Variants in WLS observed in about 807,000 individuals in gnomAD.
The protein encoded by WLS is Wnt ligand secretion mediator, also known as protein wntless homolog.
WLS carries 23 observed loss-of-function variants against 62.8 expected under a neutral mutation model. The ratio of observed to expected loss-of-function variants is 0.37; its 90% CI spans 0.26 to 0.52. WLS has a LOEUF of 0.52. WLS is among the 20% of genes least tolerant of loss of function. The pLI is 0.92. For synonymous variants in WLS, 246 were observed against 244.1 expected (o/e 1.01, Z -0.07); for missense variants, 615 against 697.3 (o/e 0.88, Z 1.33).
intron 2 of WLS, among the ~76,000 whole-genome samples, chr1:68,180,419 A>G (rs2100565288): frequency 6.6e-6 from 1 of 152,264 alleles, no homozygotes; most frequent in South Asian, 2.1e-4. Context: ...ATGTTGAGGA[A>G]AAGCTGAGTG....
At chr1:68,127,499 G>T (rs1316224702) in intron 11 of WLS, among the ~76,000 whole-genome samples, 1 of 152,138 alleles carries the variant, frequency 6.6e-6, no homozygotes, top group Non-Finnish European at 1.5e-5. Context: ...CGAAAACTCT[G>T]CTACCTGCCA....
chr1:68,216,929 G>A (rs1259203028), intron 1 of WLS, among the ~76,000 whole-genome samples: 1 of 152,134 alleles, frequency 6.6e-6, no homozygotes, highest in Non-Finnish European at 1.5e-5. Flanking sequence ...AAAGTTCTTT[G>A]TTGGTAGGGC....
chr1:68,170,655 G>A (rs2100539317), intron 2 of WLS, among the ~76,000 whole-genome samples: 1 of 151,996 alleles, frequency 6.6e-6, no homozygotes, highest in African/African-American at 2.4e-5. Flanking sequence ...TCATCTTCTG[G>A]AATTCCCCCC....
At chr1:68,167,476 T>TC (rs1049171226) in intron 2 of WLS, among the ~76,000 whole-genome samples, 5 of 152,144 alleles carry the variant, frequency 3.3e-5, no homozygotes, top group Non-Finnish European at 7.4e-5. Flanking sequence ...GGGCAATACT[T>TC]CCCCTCCACC....
chr1:68,155,531 ATCTCCT>A (rs1436195392), intron 3 of WLS, among the ~76,000 whole-genome samples: 11 of 152,214 alleles, frequency 7.2e-5, no homozygotes, highest in Admixed American at 2.0e-4. Context: ...CCTTCCTTCT[ATCTCCT>A]AACACCTTTC....
intron 11 of WLS, among the ~76,000 whole-genome samples, chr1:68,108,373 A>G (rs574175762): frequency 6.6e-6 from 1 of 152,360 alleles, no homozygotes; most frequent in South Asian, 2.1e-4. Context: ...GACCAAAAGC[A>G]GGAATAATGT....
intron 1 of WLS, among the ~76,000 whole-genome samples, chr1:68,221,362 A>T (rs1329555510): frequency 2.0e-5 from 3 of 152,178 alleles, no homozygotes; most frequent in Non-Finnish European, 4.4e-5. Context: ...GAGATATTCT[A>T]TAAGTGACAG....
At position 68,162,575 on chromosome 1, in the gene WLS, A is replaced by G. The variant is rs1192084977; in HGVS notation, c.380-3328T>C. ...TCCCCACGGATGCTGGCCGATCCCG[A>G]GGCCAACTCGCGGTTCTGCTCCATG... On this transcript the variant is annotated intron_variant, in intron 2 of 11. Coordinates refer to ENST00000262348, the MANE Select transcript of WLS (RefSeq NM_024911.7). The G allele has an allele frequency of 8.5e-6, 13 of 1,535,156 alleles. No individual in the cohort carries two copies. In the East Asian group the frequency reaches 2.7e-4, roughly 32 times the overall value.
intron 9 of WLS, 76 bp from the exon 10 acceptor site, chr1:68,144,728 CTTAATT>C (rs1247891788): frequency 8.0e-7 from 1 of 1,242,652 alleles, no homozygotes; most frequent in Non-Finnish European, 1.1e-6. Flanking sequence ...CTATAAAAAG[CTTAATT>C]TTAAAGAAAT....
intron 11 of WLS, among the ~76,000 whole-genome samples, chr1:68,104,768 A>G (rs1321877364): frequency 1.3e-5 from 2 of 152,184 alleles, no homozygotes; most frequent in Non-Finnish European, 2.9e-5. Flanking sequence ...AATTTTTAAA[A>G]AAGTAGCCAG....
rs544801837 is a variant in WLS, at chr1:68,174,068, C to T, written c.380-14821G>A. The stretch of plus-strand genomic sequence containing the variant: ...TTTTCTGTTTTCCTCCTCAGTCTGC[C>T]TTGCCCAGGGAAGGGATTACGGTTG... On this transcript the variant is annotated intron_variant, in intron 2 of 11. Coordinates refer to ENST00000262348, the MANE Select transcript of WLS (RefSeq NM_024911.7). Among the ~76,000 whole-genome samples, 29 of 152,292 alleles carry T rather than the reference C, an allele frequency of 1.9e-4. 1 individual carries two copies. In the South Asian group the frequency reaches 6.0e-3, roughly 32 times the overall value.
intron 1 of WLS, among the ~76,000 whole-genome samples, chr1:68,207,976 T>G (rs1649352612): frequency 6.6e-6 from 1 of 152,198 alleles, no homozygotes; most frequent in African/African-American, 2.4e-5. Flanking sequence ...GAGGGGTGTG[T>G]TCATCAATAT....
chr1:68,182,962 G>A (rs1647674147), intron 2 of WLS, among the ~76,000 whole-genome samples: 3 of 152,256 alleles, frequency 2.0e-5, no homozygotes, highest in South Asian at 4.1e-4. Context: ...GTGCAGTGGT[G>A]CGATCTCGGC....
intron 2 of WLS, among the ~76,000 whole-genome samples, chr1:68,191,789 C>T (rs1232363288): frequency 1.3e-5 from 2 of 152,110 alleles, no homozygotes; most frequent in Non-Finnish European, 2.9e-5. Flanking sequence ...TTCATATAAG[C>T]CATTTCCTTC....
chr1:68,210,542 A>T (rs1649470872), intron 1 of WLS, among the ~76,000 whole-genome samples: 1 of 152,192 alleles, frequency 6.6e-6, no homozygotes, highest in South Asian at 2.1e-4. Context: ...CTGTCTAGAG[A>T]GCAATAGGTC....
chr1:68,116,283 C>A (rs1482879686), intron 11 of WLS, among the ~76,000 whole-genome samples: 10 of 152,204 alleles, frequency 6.6e-5, no homozygotes, highest in Admixed American at 6.5e-4. Context: ...CCCGTGTAAG[C>A]ATACACTTCT....
chr1:68,106,242 T>C (rs1039942889), intron 11 of WLS, among the ~76,000 whole-genome samples: 2 of 152,118 alleles, frequency 1.3e-5, no homozygotes, highest in African/African-American at 4.8e-5. Context: ...AAATAAATGA[T>C]AGTGCAAGGC....
intron 2 of WLS, among the ~76,000 whole-genome samples, chr1:68,170,825 C>T (rs527863846): frequency 6.6e-6 from 1 of 152,274 alleles, no homozygotes; most frequent in East Asian, 1.9e-4. Flanking sequence ...TACCCATCTC[C>T]TATTTAGGCT....
At chr1:68,177,129 TCTC>T (rs1420124724) in intron 2 of WLS, among the ~76,000 whole-genome samples, 4 of 152,256 alleles carry the variant, frequency 2.6e-5, no homozygotes, top group African/African-American at 9.6e-5. Context: ...GTGGGCACAT[TCTC>T]CTAAGGATGC....
Sources: allele counts gnomAD v4.1 joint callset (sites outside exome capture counted in the v4.1 genomes callset), GRCh38; gene constraint gnomAD v4.1.1; transcripts MANE v1.5; gene names NCBI Gene and HGNC (gene_info 2026-07-23, HGNC 2026-07-21).